CUX1: variants seen among roughly 807,000 people sequenced by gnomAD.
CUX1 encodes protein CASP.
Under a neutral mutation model 158.8 loss-of-function variants are expected in CUX1, and 31 were observed. The ratio of observed to expected loss-of-function variants is 0.20; its 90% CI spans 0.15 to 0.26. The LOEUF (loss-of-function observed/expected upper bound fraction) is 0.26, where lower values mean the gene tolerates loss of function less well. Ranked by LOEUF, CUX1 falls within the 10% of genes least tolerant of loss-of-function variation. The probability of loss-of-function intolerance (pLI) is 1.00; values close to 1 mark genes in which losing one functional copy is unlikely to be tolerated. For missense variants in CUX1, 1,589 were observed against 2,014.6 expected (o/e 0.79, Z 4.04); for synonymous variants, 879 against 862.1 (o/e 1.02, Z -0.34).
intron 2 of CUX1, among the ~76,000 whole-genome samples, chr7:101,921,383 A>G (rs1804909702): frequency 6.6e-6 from 1 of 152,150 alleles, no homozygotes; most frequent in African/African-American, 2.4e-5. Flanking sequence ...AACTCATGAG[A>G]TACAGTGGAT....
At chr7:102,225,400 T>G (rs1376408923) in intron 20 of CUX1, among the ~76,000 whole-genome samples, 1 of 152,248 alleles carries the variant, frequency 6.6e-6, no homozygotes, top group African/African-American at 2.4e-5. Context: ...TAGTGTATCC[T>G]GGATACAGTA....
rs559393302 is a variant in CUX1 at position 102,085,681 on chromosome 7, C to T, written c.269-11683C>T. On this transcript the variant is annotated intron_variant, in intron 4 of 23. Coordinates refer to ENST00000292535, the MANE Select transcript of CUX1 (RefSeq NM_181552.4). ...CCAGTCTAGGGTATGTCTTTATTAG[C>T]AGTATGAGAGCAGACTAATACAGAA... 1.1e-4 allele frequency among the ~76,000 whole-genome samples: 16 copies of T among 152,286 alleles called. No individual in the cohort carries two copies. The South Asian group carries it at 3.1e-3, about 30-fold the overall frequency.
At chr7:102,229,164 GCATCCCAC>G (rs1204588737) in intron 21 of CUX1, among the ~76,000 whole-genome samples, 2 of 152,204 alleles carry the variant, frequency 1.3e-5, no homozygotes, top group Non-Finnish European at 2.9e-5. Flanking sequence ...CGTCACCCTG[GCATCCCAC>G]CGTGCCTCAG....
chr7:102,213,978 C>CA (rs1187774733), intron 20 of CUX1, among the ~76,000 whole-genome samples: 1 of 152,026 alleles, frequency 6.6e-6, no homozygotes, highest in Non-Finnish European at 1.5e-5. Context: ...ACTAAAAATA[C>CA]AAAAAAATTA....
intron 11 of CUX1, among the ~76,000 whole-genome samples, chr7:102,180,230 C>G (rs184303280): frequency 6.6e-6 from 1 of 151,810 alleles, no homozygotes; most frequent in Non-Finnish European, 1.5e-5. Flanking sequence ...ACCATGTTGG[C>G]CAGTCTAGTC....
chr7:102,021,669 T>C (rs1819392129), intron 2 of CUX1, among the ~76,000 whole-genome samples: 1 of 146,022 alleles, frequency 6.8e-6, no homozygotes, highest in African/African-American at 2.5e-5. Flanking sequence ...GCGATTCTCC[T>C]GCCTCAGCCT....
intron 14 of CUX1, among the ~76,000 whole-genome samples, chr7:102,269,400 G>A (rs1791041941): frequency 6.7e-6 from 1 of 149,962 alleles, no homozygotes; most frequent in African/African-American, 2.4e-5. Flanking sequence ...CTTTCCAACA[G>A]TACCCCAAAG....
chr7:102,271,931 A>T (rs531268815), intron 14 of CUX1, among the ~76,000 whole-genome samples: 3 of 152,334 alleles, frequency 2.0e-5, no homozygotes, highest in Non-Finnish European at 4.4e-5. Flanking sequence ...TTGAGGCAGG[A>T]AAATTGCTTG....
intron 9 of CUX1, among the ~76,000 whole-genome samples, chr7:102,168,682 T>G (rs1324712991): frequency 2.7e-5 from 4 of 150,724 alleles, no homozygotes; most frequent in African/African-American, 9.8e-5. Context: ...TTTGTCTGTA[T>G]GCAGGGCAAA....
intron 20 of CUX1, among the ~76,000 whole-genome samples, chr7:102,212,616 C>G (rs1262649066): frequency 1.3e-5 from 2 of 152,214 alleles, no homozygotes; most frequent in African/African-American, 4.8e-5. Flanking sequence ...TTTAAGAAAT[C>G]GGTCACCATC....
At chr7:102,260,095 T>C (rs1790277249), downstream of CUX1, among the ~76,000 whole-genome samples, 1 of 23,332 alleles carries the variant, frequency 4.3e-5, no homozygotes, top group Non-Finnish European at 1.2e-4. Flanking sequence ...ACCCTAAATC[T>C]TGGGGGGAAA....
chr7:102,010,941 A>G (rs547459317), intron 2 of CUX1, among the ~76,000 whole-genome samples: 1 of 151,938 alleles, frequency 6.6e-6, no homozygotes, highest in South Asian at 2.1e-4. Context: ...AGAAACCCCC[A>G]TCTCTACTAA....
rs545706189 is a variant in CUX1, at chr7:101,830,644, A to G, written c.30+12975A>G. Among the ~76,000 whole-genome samples, 5 of 151,232 alleles carry G rather than the reference A, an allele frequency of 3.3e-5. No homozygotes were observed. In the East Asian group the frequency reaches 9.8e-4, roughly 30 times the overall value. On this transcript the variant is annotated intron_variant, in intron 1 of 23. Transcript: ENST00000292535. The stretch of plus-strand genomic sequence containing the variant: ...ATTTTTTTTACATATTTTTATACAA[A>G]CAGGGTCTTAGTATGTTGGCCAGGC...
rs371152466 is a variant in CUX1 at position 102,255,080 on chromosome 7, C to G, written c.*6038C>G. On this transcript the variant is annotated 3_prime_UTR_variant, in exon 24 of 24. Transcript: ENST00000292535. ...AAGCCCCAGCCCTACTCCCGGCCCC[C>G]CAGCCCAGTCTTCCCAATCCCAGAG... 1 of 985,514 alleles carries G rather than the reference C, an allele frequency of 1.0e-6. No individual in the cohort carries two copies. Among genetic ancestry groups the G allele is most frequent in the Non-Finnish European group, 1.2e-6 (1 of 830,046 alleles). The allele number at this position is 985,514 out of a possible 1,614,324, so 61.0% of individuals were successfully genotyped here. A position where few individuals can be genotyped will look rare whatever the true frequency, so the allele number is the denominator to read the frequency against.
chr7:102,007,893 C>T (rs1165121415), intron 2 of CUX1, among the ~76,000 whole-genome samples: 1 of 151,906 alleles, frequency 6.6e-6, no homozygotes, highest in Admixed American at 6.6e-5. Context: ...TACAGGCACC[C>T]GCCACCACAC....
chr7:102,059,852 C>T (rs1020617914), intron 3 of CUX1, among the ~76,000 whole-genome samples: 2 of 151,996 alleles, frequency 1.3e-5, no homozygotes, highest in Admixed American at 6.6e-5. Context: ...TCCTATAGTC[C>T]GACAGAGCTC....
In CUX1 at chr7:102,248,719, C is replaced by G. The variant is rs1475531369; in HGVS notation, c.4195C>G (p.Pro1399Ala). The change falls in exon 24 of 24, where the codon CCG (proline) becomes GCG (alanine). Residue 1399 changes from proline (P) to alanine (A), a missense_variant. By Grantham distance (27) the Pro-to-Ala change is conservative. This residue lies in a region of CUX1 where 344 missense variants were observed against 323.7 expected (regional missense o/e 1.06). Transcript: ENST00000292535. This position sits in a 1 kb window ranked among gnomAD's most constrained non-coding sequence, Gnocchi z 5.8. Reference sequence around the variant, plus strand: ...CCACGAGGGAGGCCCCGTGGAAGGCCCGGGGCCCCTGCCCAGCCCCGCCTC... The same window carrying G: ...CCACGAGGGAGGCCCCGTGGAAGGCGCGGGGCCCCTGCCCAGCCCCGCCTC... ...DDHEGGPVEG[P>A]GPLPSPASAT... 21 of 1,172,598 alleles carry G rather than the reference C, an allele frequency of 1.8e-5. No homozygotes were observed. In the Admixed American group the frequency reaches 6.9e-4, roughly 39 times the overall value. The allele number at this position is 1,172,598 out of a possible 1,614,324, so 72.6% of individuals were successfully genotyped here. A position where few individuals can be genotyped will look rare whatever the true frequency, so the allele number is the denominator to read the frequency against.
At chr7:101,816,921 C>T (rs1337082740), upstream of CUX1, 11 of 981,626 alleles carry the variant, frequency 1.1e-5, no homozygotes, top group African/African-American at 7.1e-5. Context: ...CCGGCGCGGA[C>T]CCCCGGGTTT....
intron 2 of CUX1, among the ~76,000 whole-genome samples, chr7:101,940,096 C>T (rs112843044): frequency 6.9e-5 from 10 of 144,444 alleles, no homozygotes; most frequent in East Asian, 4.2e-4. Flanking sequence ...AAAAAAAAGC[C>T]GGGCATGGTG....
Sources: allele counts gnomAD v4.1 joint callset (sites outside exome capture counted in the v4.1 genomes callset), GRCh38; gene constraint gnomAD v4.1.1; regional missense constraint gnomAD v4.1.1; non-coding constraint Gnocchi (gnomAD v3.1); transcripts MANE v1.5; gene names NCBI Gene and HGNC (gene_info 2026-07-23, HGNC 2026-07-21).